GDF6: variants seen among roughly 807,000 people sequenced by gnomAD.
The protein encoded by GDF6 is growth/differentiation factor 6.
A neutral mutation model predicts 32.4 loss-of-function variants in GDF6; 3 were observed. The observed-to-expected ratio is 0.09, with a 90% CI of 0.04 to 0.24. The LOEUF (loss-of-function observed/expected upper bound fraction) is 0.24. GDF6 is among the 10% of genes least tolerant of loss of function. The pLI is 1.00. For synonymous variants in GDF6, 296 were observed against 295.3 expected, an observed-to-expected ratio of 1.00 and a Z score of -0.03; for missense variants, 589 against 637.9, an observed-to-expected ratio of 0.92 and a Z score of 0.83.
At position 96,145,319 on chromosome 8, in the gene GDF6, C is replaced by T. The variant is rs777541984; in HGVS notation, c.612G>A (p.Pro204=). 2 of 1,533,504 alleles carry T rather than the reference C, an allele frequency of 1.3e-6. No individual in the cohort carries two copies. Among genetic ancestry groups the T allele is most frequent in the Non-Finnish European group, 1.7e-6 (2 of 1,146,186 alleles). 95.0% of individuals were successfully genotyped at this position (1,533,504 alleles called of 1,614,324 possible). The change falls in exon 2 of 2, where the codon CCG becomes CCA. Residue 204 remains proline, a synonymous_variant. Coordinates refer to ENST00000287020, the MANE Select transcript of GDF6 (RefSeq NM_001001557.4). The surrounding 1 kb of genome is among the most constrained non-coding windows in gnomAD (Gnocchi z 5.6). ...PLLLDARTLD[P]QGAPPAGWEV... ...CCCAGCCGGCCGGCGGCGCCCCCTG[C>T]GGGTCCAGGGTCCGCGCGTCCAGCA...
rs1378920942 is a variant in GDF6, at chr8:96,160,469, G to C, written c.224C>G (p.Pro75Arg). ...QEPQPRPQDE[P>R]RAQQPRAQEP... ...CTGCGCCCGGGGCTGCTGAGCCCGGGGTTCGTCCTGAGGCCGCGGCTGTGG... is the reference window on the plus strand; with the variant it reads ...CTGCGCCCGGGGCTGCTGAGCCCGGCGTTCGTCCTGAGGCCGCGGCTGTGG... The change falls in exon 1 of 2, where the codon CCC (proline) becomes CGC (arginine). Residue 75 changes from proline (P) to arginine (R), a missense_variant. Pro to Arg is a moderately radical substitution (Grantham distance 103, BLOSUM62 -2). Coordinates refer to ENST00000287020, the MANE Select transcript of GDF6 (RefSeq NM_001001557.4). The C allele has an allele frequency of 1.2e-6, 2 of 1,613,010 alleles. No individual in the cohort carries two copies. The highest frequency in any genetic ancestry group is 1.7e-5 in the Admixed American group (1 of 59,954).
intron 1 of GDF6, among the ~76,000 whole-genome samples, chr8:96,148,146 C>A (rs2440201): frequency 2.6e-5 from 4 of 152,122 alleles, no homozygotes; most frequent in Non-Finnish European, 4.4e-5. Context: ...CACCCCTACC[C>A]TTTCCACGTT....
At chr8:96,157,407 C>T (rs1449201409) in intron 1 of GDF6, among the ~76,000 whole-genome samples, 2 of 152,188 alleles carry the variant, frequency 1.3e-5, no homozygotes, top group African/African-American at 2.4e-5. Flanking sequence ...GTAAGGAAGG[C>T]TTTTTACAGA....
At chr8:96,149,532 A>T (rs1481701348) in intron 1 of GDF6, among the ~76,000 whole-genome samples, 1 of 152,234 alleles carries the variant, frequency 6.6e-6, no homozygotes, top group Admixed American at 6.5e-5. Context: ...ACGAGTTGGT[A>T]AAAGGCTGAA....
Position 96,160,679 on chromosome 8 carries a change from C to A in GDF6, c.14G>T (p.Arg5Met). The A allele has an allele frequency of 1.2e-6, 2 of 1,613,522 alleles. No individual in the cohort carries two copies. Among genetic ancestry groups the A allele is most frequent in the Non-Finnish European group, 1.7e-6 (2 of 1,179,586 alleles). MDTP[R>M]VLLSAVFLIS... is the part of the protein sequence containing the mutation. ...GAGGAAGACGGCCGAGAGCAGGACC[C>A]TGGGAGTATCCATGGCGGGCAAGTG... The change falls in exon 1 of 2, where the codon AGG becomes ATG. Residue 5 changes from arginine (R) to methionine (M), a missense_variant. Arg to Met is a moderately conservative substitution (Grantham distance 91). Around this residue, in one of 2 missense-constraint regions of GDF6, gnomAD observed 436 missense variants for 411.2 expected, o/e 1.06. Transcript: ENST00000287020.
rs1297425205 is a variant in GDF6, at chr8:96,144,242, AATAGAGAGAGAGAGAG to A, written c.*305_*320del. 1.0e-4 allele frequency: 19 copies of A among 190,114 alleles called. No individual in the cohort carries two copies. In the African/African-American group the frequency reaches 1.0e-3, roughly 10 times the overall value. 11.8% of individuals were successfully genotyped at this position (190,114 alleles called of 1,614,324 possible). A position where few individuals can be genotyped will look rare whatever the true frequency, so the allele number is the denominator to read the frequency against. On this transcript the variant is annotated 3_prime_UTR_variant, in exon 2 of 2. Coordinates refer to ENST00000287020, the MANE Select transcript of GDF6 (RefSeq NM_001001557.4). This position sits in a 1 kb window ranked among gnomAD's most constrained non-coding sequence, Gnocchi z 5.1. ...ACATAAGGAAATCCAAAGCCACAGTAATAGAGAGAGAGAGAGAGAGAGAGAGAGAGAGAGAGAGAGA... is the reference window on the plus strand; with the variant it reads ...ACATAAGGAAATCCAAAGCCACAGTAAGAGAGAGAGAGAGAGAGAGAGAGA...
chr8:96,144,769 C>T lies in GDF6; in HGVS notation c.1162G>A (p.Asp388Asn). ...TCCAGGTGCGAGCGCAGCGGGAAGT[C>T]GCATACACCCTCGCAGTGATAGGCC... is the stretch of plus-strand genomic sequence containing the variant. ...YEAYHCEGVC[D>N]FPLRSHLEPT... The change falls in exon 2 of 2, where the codon GAC (aspartate) becomes AAC (asparagine). Residue 388 changes from aspartate to asparagine, a missense_variant. Around this residue, in one of 2 missense-constraint regions of GDF6, gnomAD observed 153 missense variants for 226.7 expected, o/e 0.67. Coordinates refer to ENST00000287020, the MANE Select transcript of GDF6 (RefSeq NM_001001557.4). This position sits in a 1 kb window ranked among gnomAD's most constrained non-coding sequence, Gnocchi z 5.1. 6.2e-7 allele frequency: 1 copy of T among 1,614,116 alleles called. No homozygotes were observed. The highest frequency in any genetic ancestry group is 8.5e-7 in the Non-Finnish European group (1 of 1,180,016).
intron 1 of GDF6, among the ~76,000 whole-genome samples, chr8:96,154,319 G>A (rs147467109): frequency 6.6e-6 from 1 of 152,164 alleles, no homozygotes; most frequent in African/African-American, 2.4e-5. Flanking sequence ...CCCGCCGCCC[G>A]CCCCTTCCAA....
At chr8:96,158,080 C>T (rs1233154206) in intron 1 of GDF6, among the ~76,000 whole-genome samples, 1 of 152,192 alleles carries the variant, frequency 6.6e-6, no homozygotes, top group Non-Finnish European at 1.5e-5. Flanking sequence ...CCCGGAGACG[C>T]GGAGGAGACA....
rs1812408440 is a variant in GDF6, at chr8:96,143,621, ATC to A, written c.*940_*941del. 1 of 152,692 alleles carries A rather than the reference ATC, an allele frequency of 6.5e-6. No individual in the cohort carries two copies. Among genetic ancestry groups the A allele is most frequent in the Non-Finnish European group, 1.5e-5 (1 of 68,060 alleles). 9.5% of individuals were successfully genotyped at this position (152,692 alleles called of 1,614,324 possible). On this transcript the variant is annotated 3_prime_UTR_variant, in exon 2 of 2. Coordinates refer to ENST00000287020, the MANE Select transcript of GDF6 (RefSeq NM_001001557.4). The stretch of plus-strand genomic sequence containing the variant: ...ATTCTGTTGAAAGAAATCAATTAGA[ATC>A]AGAAAGGGCATTTGGGTGGGCTACC...
chr8:96,160,511 C>A lies in GDF6; in HGVS notation c.182G>T (p.Gly61Val), dbSNP rs770207817. The A allele has an allele frequency of 6.2e-7, 1 of 1,613,152 alleles. No individual in the cohort carries two copies. Among genetic ancestry groups the A allele is most frequent in the Non-Finnish European group, 8.5e-7 (1 of 1,179,568 alleles). Residue 61 changes from glycine (G) to valine (V), a missense_variant, in exon 1 of 2, where the codon GGC becomes GTC. Around this residue, in one of 2 missense-constraint regions of GDF6, gnomAD observed 436 missense variants for 411.2 expected, o/e 1.06. Transcript: ENST00000287020. The part of the protein sequence containing the change: ...MQRAPRDSDA[G>V]REGQEPQPRP... ...CGGCTGTGGTTCCTGGCCCTCCCGG[C>A]CCGCGTCACTGTCGCGCGGCGCCCG...
chr8:96,146,569 A>T (rs942026778), intron 1 of GDF6, among the ~76,000 whole-genome samples: 1 of 152,010 alleles, frequency 6.6e-6, no homozygotes, highest in African/African-American at 2.4e-5. Context: ...AAATGAACAA[A>T]CACACACACC....
At position 96,144,230 on chromosome 8, in the gene GDF6, C is replaced by A. The variant is rs1432039910; in HGVS notation, c.*333G>T. 1.5e-5 allele frequency: 4 copies of A among 261,676 alleles called. No individual in the cohort carries two copies. The highest frequency in any genetic ancestry group is 2.9e-5 in the Non-Finnish European group (4 of 139,928). The allele number at this position is 261,676 out of a possible 1,614,324, so 16.2% of individuals were successfully genotyped here. A position where few individuals can be genotyped will look rare whatever the true frequency, so the allele number is the denominator to read the frequency against. On this transcript the variant is annotated 3_prime_UTR_variant, in exon 2 of 2. Transcript: ENST00000287020. This position sits in a 1 kb window ranked among gnomAD's most constrained non-coding sequence, Gnocchi z 5.1. Reference sequence around the variant, plus strand: ...AGCCTGTAAGACACATAAGGAAATCCAAAGCCACAGTAATAGAGAGAGAGA... The same window carrying A: ...AGCCTGTAAGACACATAAGGAAATCAAAAGCCACAGTAATAGAGAGAGAGA...
Position 96,144,987 on chromosome 8 carries a change from G to T in GDF6, c.944C>A (p.Pro315Gln). 5 of 1,354,228 alleles carry T rather than the reference G, an allele frequency of 3.7e-6. No homozygotes were observed. Among genetic ancestry groups the T allele is most frequent in the South Asian group, 1.9e-5 (1 of 51,464 alleles). The allele number at this position is 1,354,228 out of a possible 1,614,324, so 83.9% of individuals were successfully genotyped here. The change falls in exon 2 of 2, where the codon CCG (proline) becomes CAG (glutamine). Residue 315 changes from proline (P) to glutamine (Q), a missense_variant. By Grantham distance (76) the Pro-to-Gln change is moderately conservative (BLOSUM62 -1). This residue lies in a region of GDF6 where 153 missense variants were observed against 226.7 expected (regional missense o/e 0.67). Coordinates refer to ENST00000287020, the MANE Select transcript of GDF6 (RefSeq NM_001001557.4). The surrounding 1 kb of genome is among the most constrained non-coding windows in gnomAD (Gnocchi z 5.1). ...PGAGAEGSWP[P>Q]PSGAPDARPW... ...CCTGGCATCCGGGGCGCCCGACGGC[G>T]GCGGCCACGACCCCTCGGCGCCCGC...
chr8:96,158,984 C>CGGGGCTG (rs1812715926), intron 1 of GDF6, among the ~76,000 whole-genome samples: 1 of 125,268 alleles, frequency 8.0e-6, no homozygotes, highest in Non-Finnish European at 1.7e-5. Context: ...GGGAAGAGCT[C>CGGGGCTG]GGGGCTGGGG....
At chr8:96,157,901 G>A (rs1243121243) in intron 1 of GDF6, among the ~76,000 whole-genome samples, 2 of 152,144 alleles carry the variant, frequency 1.3e-5, no homozygotes, top group Non-Finnish European at 2.9e-5. Context: ...CAGTGAGAGG[G>A]AAAGTGAGGC....
chr8:96,148,256 C>T (rs1216131827), intron 1 of GDF6, among the ~76,000 whole-genome samples: 2 of 152,230 alleles, frequency 1.3e-5, no homozygotes, highest in African/African-American at 4.8e-5. Flanking sequence ...GAGCATGTGG[C>T]CATCCCAGCT....
Position 96,144,656 on chromosome 8 carries a change from C to T in GDF6, c.1275G>A (p.Leu425=), listed in dbSNP as rs1324170987. ...CGATGTATAGAATGCTGATGGGAGT[C>T]AATTTGGTGGGCACGCAGCAGCTGG... ...TPPSCCVPTK[L]TPISILYIDA... Residue 425 remains leucine (L), a synonymous_variant, in exon 2 of 2, where the codon TTG becomes TTA. Transcript: ENST00000287020. The surrounding 1 kb of genome is among the most constrained non-coding windows in gnomAD (Gnocchi z 5.1). 1 of 1,614,134 alleles carries T rather than the reference C, an allele frequency of 6.2e-7. No individual in the cohort carries two copies. The highest frequency in any genetic ancestry group is 8.5e-7 in the Non-Finnish European group (1 of 1,180,020).
chr8:96,150,901 TG>T lies in GDF6; in HGVS notation c.407-5378del, dbSNP rs1563511216. Among the ~76,000 whole-genome samples the T allele has an allele frequency of 2.6e-5, 4 of 152,356 alleles. No individual in the cohort carries two copies. The South Asian group carries it at 8.3e-4, about 32-fold the overall frequency. ...CAAGCTCAAAATTCATGACTGGGCT[TG>T]GAGTCATTTTCTCAACTAAGTCTCT... On this transcript the variant is annotated intron_variant, in intron 1 of 1. Transcript: ENST00000287020.
Sources: gnomAD v4.1 joint callset for allele counts (sites outside exome capture counted in the v4.1 genomes callset) on GRCh38, gnomAD v4.1.1 for gene constraint, gnomAD v4.1.1 regional missense constraint, Gnocchi (gnomAD v3.1) non-coding constraint, MANE v1.5 for transcripts, NCBI Gene and HGNC (gene_info 2026-07-23, HGNC 2026-07-21) for gene names.